SLC25A43: variants seen among roughly 807,000 people sequenced by gnomAD.
SLC25A43 encodes solute carrier family 25, member 43.
A neutral mutation model predicts 22.8 loss-of-function variants in SLC25A43; 10 were observed. The observed-to-expected ratio is 0.44, with a 90% CI of 0.27 to 0.74. The LOEUF is 0.74. Among genes scored for constraint, SLC25A43 ranks in the 30% least tolerant of loss-of-function variants. SLC25A43 has a pLI of 0.17. For synonymous variants in SLC25A43, 106 were observed against 121.6 expected (o/e 0.87, Z 0.84); for missense variants, 233 against 279.1 (o/e 0.83, Z 1.18).
chrX:119,444,548 A>C (rs1176499408), intron 3 of SLC25A43, among the ~76,000 whole-genome samples: 6 of 108,575 alleles, frequency 5.5e-5, no homozygotes, highest in Admixed American at 5.0e-4. Context: ...TACTAAAAAT[A>C]CAAAAAAAGC....
chrX:119,433,748 A>G (rs1273439545), intron 3 of SLC25A43, among the ~76,000 whole-genome samples: 1 of 111,799 alleles, frequency 8.9e-6, no homozygotes, highest in African/African-American at 3.3e-5. Context: ...ATGATGGGTA[A>G]GGAAACTGAC....
At chrX:119,402,551 A>G (rs1439092829) in intron 1 of SLC25A43, among the ~76,000 whole-genome samples, 1 of 111,967 alleles carries the variant, frequency 8.9e-6, no homozygotes, top group African/African-American at 3.2e-5. Flanking sequence ...TAAGCACTTC[A>G]TGAGCTTATG....
chrX:119,408,612 GT>G (rs1373461946), intron 2 of SLC25A43, among the ~76,000 whole-genome samples: 2 of 112,203 alleles, frequency 1.8e-5, no homozygotes, highest in Non-Finnish European at 3.8e-5. Context: ...TAAATGGAAG[GT>G]TGGTGAGCCA....
At chrX:119,415,583 T>C (rs2052392866) in intron 3 of SLC25A43, among the ~76,000 whole-genome samples, 1 of 108,154 alleles carries the variant, frequency 9.2e-6, no homozygotes. Context: ...TAGTCCCAGC[T>C]ACTCAGGAGG....
intron 3 of SLC25A43, among the ~76,000 whole-genome samples, chrX:119,429,064 C>CTTT (rs758808277): frequency 1.0e-5 from 1 of 97,083 alleles, no homozygotes. Flanking sequence ...TGTCTTACAT[C>CTTT]TTTTTTTTTT....
At chrX:119,411,530 C>G (rs16994025) in intron 3 of SLC25A43, among the ~76,000 whole-genome samples, 5,945 of 109,692 alleles carry the variant, frequency 0.054, 168 homozygotes, top group South Asian at 0.11. Context: ...GAGGCGGCAT[C>G]TTAGTGAGAC....
intron 3 of SLC25A43, among the ~76,000 whole-genome samples, chrX:119,435,289 G>A (rs942408402): frequency 1.8e-5 from 2 of 110,298 alleles, no homozygotes; most frequent in African/African-American, 6.6e-5. Flanking sequence ...GGTCGACTTC[G>A]CATTTGGCAG....
chrX:119,422,629 A>G (rs12838033), intron 3 of SLC25A43, among the ~76,000 whole-genome samples: 11,205 of 111,445 alleles, frequency 0.1, 744 homozygotes, highest in African/African-American at 0.24. Flanking sequence ...GCTGTCTGCT[A>G]GGTGAGTCCC....
At chrX:119,417,212 G>A (rs2052410006) in intron 3 of SLC25A43, among the ~76,000 whole-genome samples, 1 of 109,348 alleles carries the variant, frequency 9.1e-6, no homozygotes, top group Admixed American at 9.9e-5. Flanking sequence ...GAGGTCAGGA[G>A]TTCAAGACCA....
chrX:119,413,617 G>A (rs1030430402), intron 3 of SLC25A43, among the ~76,000 whole-genome samples: 4 of 108,151 alleles, frequency 3.7e-5, no homozygotes, highest in African/African-American at 1.0e-4. Flanking sequence ...TGAGGTAAGA[G>A]AATCCCCTGA....
intron 2 of SLC25A43, among the ~76,000 whole-genome samples, 161 bp downstream of exon 2, chrX:119,406,862 A>G (rs2052301778): frequency 8.8e-6 from 1 of 113,102 alleles, no homozygotes; most frequent in Admixed American, 9.3e-5. Flanking sequence ...TTCCATAGCC[A>G]TACACTCCAC....
chrX:119,423,070 C>A (rs1412077245), intron 3 of SLC25A43: 4 of 111,471 alleles, frequency 3.6e-5, no homozygotes, highest in African/African-American at 1.3e-4. Context: ...CTGAAGTCGG[C>A]CCTGTGAAAC....
chrX:119,434,252 G>C (rs62599398), intron 3 of SLC25A43, among the ~76,000 whole-genome samples: 21,627 of 109,335 alleles, frequency 0.2, 1,660 homozygotes, highest in African/African-American at 0.24. Flanking sequence ...AGGAAAACTA[G>C]AGGACAGTCA....
At chrX:119,399,973 A>G (rs1289244642) in intron 1 of SLC25A43, among the ~76,000 whole-genome samples, 2 of 112,741 alleles carry the variant, frequency 1.8e-5, no homozygotes, top group Non-Finnish European at 3.8e-5. Flanking sequence ...GGAATGCAGC[A>G]AAGGATTTGG....
intron 3 of SLC25A43, among the ~76,000 whole-genome samples, chrX:119,450,241 C>T (rs1603299802): frequency 1.8e-5 from 2 of 111,253 alleles, no homozygotes; most frequent in Admixed American, 9.6e-5. Context: ...AAAAGAGTTC[C>T]TGGTTATCAG....
At chrX:119,410,950 T>C (rs2052345505) in intron 3 of SLC25A43, among the ~76,000 whole-genome samples, 1 of 110,390 alleles carries the variant, frequency 9.1e-6, no homozygotes, top group African/African-American at 3.3e-5. Context: ...GAGGCTTCTC[T>C]TTTCTTTCCT....
chrX:119,411,842 C>T (rs1038740289), intron 3 of SLC25A43, among the ~76,000 whole-genome samples: 5 of 111,628 alleles, frequency 4.5e-5, no homozygotes, highest in African/African-American at 1.6e-4. Context: ...CGTAACAAAC[C>T]TGCACATCCT....
chrX:119,431,613 T>C (rs1320843504), intron 3 of SLC25A43, among the ~76,000 whole-genome samples: 1 of 111,746 alleles, frequency 8.9e-6, no homozygotes, highest in African/African-American at 3.2e-5. Context: ...TTCATGACTA[T>C]CCACGTAGCT....
chrX:119,431,813 A>G (rs1187399577), intron 3 of SLC25A43, among the ~76,000 whole-genome samples: 1 of 111,384 alleles, frequency 9.0e-6, no homozygotes, highest in East Asian at 2.8e-4. Context: ...AAAGACACCC[A>G]GATAACTCAT....
Sources: allele counts gnomAD v4.1 joint callset (sites outside exome capture counted in the v4.1 genomes callset), GRCh38; gene constraint gnomAD v4.1.1; transcripts MANE v1.5; gene names NCBI Gene and HGNC (gene_info 2026-07-23, HGNC 2026-07-21).